The following CCDC171 variants were observed in gnomAD, a reference collection of about 807,000 sequenced individuals.
CCDC171 encodes coiled-coil domain-containing protein 171.
CCDC171 carries 177 observed loss-of-function variants against 168.2 expected under a neutral mutation model. The observed-to-expected ratio is 1.05, with a 90% CI of 0.93 to 1.19. The LOEUF (loss-of-function observed/expected upper bound fraction) is 1.19. CCDC171 is among the 50% of genes most tolerant of loss of function. The pLI is 0.00. For synonymous variants in CCDC171, 687 were observed against 540.8 expected (o/e 1.27, Z -3.75); for missense variants, 1,991 against 1,539.0 (o/e 1.29, Z -4.91).
chr9:15,651,897 A>T (rs2047554943), intron 7 of CCDC171, among the ~76,000 whole-genome samples: 1 of 152,078 alleles, frequency 6.6e-6, no homozygotes, highest in South Asian at 2.1e-4. Flanking sequence ...TGCCAAATCT[A>T]AGGTCATGAA....
intron 23 of CCDC171, among the ~76,000 whole-genome samples, chr9:15,869,610 C>G (rs1453815024): frequency 1.3e-5 from 2 of 150,964 alleles, no homozygotes; most frequent in Middle Eastern, 6.3e-3. Flanking sequence ...TTACAAAAGA[C>G]TCTCCAGTAT....
At chr9:15,894,335 C>A (rs1467600865) in intron 24 of CCDC171, among the ~76,000 whole-genome samples, 1 of 151,946 alleles carries the variant, frequency 6.6e-6, no homozygotes, top group Non-Finnish European at 1.5e-5. Context: ...GGGCTTAATA[C>A]CTAGGTGATG....
chr9:15,797,740 C>A (rs1218581033), intron 21 of CCDC171, among the ~76,000 whole-genome samples: 2 of 151,952 alleles, frequency 1.3e-5, no homozygotes, highest in African/African-American at 4.8e-5. Flanking sequence ...TTTTATATTT[C>A]ATCTAAGAAA....
intron 24 of CCDC171, among the ~76,000 whole-genome samples, chr9:15,884,552 G>A (rs1291118841): frequency 1.3e-5 from 2 of 152,130 alleles, no homozygotes; most frequent in South Asian, 2.1e-4. Context: ...CATAGTATTT[G>A]GAAAAGTTGA....
chr9:16,016,387 G>A (rs142780493), intron 3 of CCDC171, among the ~76,000 whole-genome samples: 246 of 152,094 alleles, frequency 1.6e-3, no homozygotes, highest in African/African-American at 5.0e-3. Context: ...ACATAGCTTC[G>A]CTCAGAGGCA....
At chr9:15,793,161 A>G (rs911678266) in intron 21 of CCDC171, among the ~76,000 whole-genome samples, 1 of 152,016 alleles carries the variant, frequency 6.6e-6, no homozygotes, top group Non-Finnish European at 1.5e-5. Flanking sequence ...AAAAAAAGGC[A>G]GGGGTTGCAA....
chr9:15,633,669 A>G (rs751351235), intron 7 of CCDC171, among the ~76,000 whole-genome samples: 33 of 152,224 alleles, frequency 2.2e-4, no homozygotes, highest in Admixed American at 3.9e-4. Context: ...CCATCCCATT[A>G]CTGGGTATAT....
chr9:15,953,219 T>A lies in CCDC171; in HGVS notation c.3754-18390T>A, dbSNP rs1483338799. 3.9e-5 allele frequency among the ~76,000 whole-genome samples: 6 copies of A among 152,204 alleles called. No homozygotes were observed. The East Asian group carries it at 1.2e-3, about 29-fold the overall frequency. On this transcript the variant is annotated intron_variant, in intron 25 of 25. Coordinates refer to ENST00000380701, the MANE Select transcript of CCDC171 (RefSeq NM_173550.4). ...CTAGGCCTTCCAGTACTATGTTGAA[T>A]GCAAGTGGTGAAAGGAGTCAGGTTT...
intron 25 of CCDC171, among the ~76,000 whole-genome samples, chr9:15,940,162 A>G (rs1827553843): frequency 6.6e-6 from 1 of 151,942 alleles, no homozygotes; most frequent in African/African-American, 2.4e-5. Context: ...GTGTAAAATT[A>G]TCTTTGAAAT....
downstream of CCDC171, among the ~76,000 whole-genome samples, chr9:16,066,229 C>T (rs1833989019): frequency 6.6e-6 from 1 of 152,164 alleles, no homozygotes; most frequent in Admixed American, 6.5e-5. Context: ...ATCTGCCTAA[C>T]AGTGTGAGCA....
At chr9:16,056,686 C>T (rs750119051) in intron 1 of CCDC171, among the ~76,000 whole-genome samples, 15 of 152,092 alleles carry the variant, frequency 9.9e-5, no homozygotes, top group Non-Finnish European at 2.1e-4. Flanking sequence ...CAGGGATTCA[C>T]CATGTTGACC....
chr9:16,071,899 A>T, the CCDC171 span, among the ~76,000 whole-genome samples: 1 of 151,742 alleles, frequency 6.6e-6, no homozygotes, highest in Non-Finnish European at 1.5e-5. Flanking sequence ...ATAACCCCCA[A>T]TTTAACTCCC....
At chr9:15,932,218 A>T (rs111629281) in intron 25 of CCDC171, among the ~76,000 whole-genome samples, 1 of 151,872 alleles carries the variant, frequency 6.6e-6, no homozygotes, top group Admixed American at 6.6e-5. Flanking sequence ...CCATTTTAAC[A>T]ATATTAATTC....
intron 21 of CCDC171, among the ~76,000 whole-genome samples, chr9:15,796,026 A>T (rs2058539146): frequency 6.6e-6 from 1 of 152,260 alleles, no homozygotes; most frequent in Non-Finnish European, 1.5e-5. Context: ...AGAATTCAAT[A>T]TTACAAATCA....
At chr9:15,957,593 C>G (rs937602872) in intron 25 of CCDC171, among the ~76,000 whole-genome samples, 2 of 152,106 alleles carry the variant, frequency 1.3e-5, no homozygotes, top group Admixed American at 6.6e-5. Flanking sequence ...CTTTTCTGCC[C>G]AAGCAGATAG....
intron 25 of CCDC171, among the ~76,000 whole-genome samples, chr9:15,920,683 G>T (rs1250457891): frequency 6.6e-6 from 1 of 151,708 alleles, no homozygotes; most frequent in African/African-American, 2.4e-5. Flanking sequence ...GTTTGGCAGT[G>T]CAGCTGACAG....
At chr9:15,773,716 T>G (rs1184710166) in intron 18 of CCDC171, among the ~76,000 whole-genome samples, 1 of 152,066 alleles carries the variant, frequency 6.6e-6, no homozygotes, top group Non-Finnish European at 1.5e-5. Flanking sequence ...TTTTTTTGTT[T>G]TTTCATTTAT....
chr9:16,029,783 A>G (rs1449899864), intron 6 of CCDC171, among the ~76,000 whole-genome samples: 2 of 152,236 alleles, frequency 1.3e-5, no homozygotes, highest in Admixed American at 6.5e-5. Flanking sequence ...AAAGACTCAG[A>G]TAATAGTCTG....
At chr9:15,750,085 A>G (rs1486174395) in intron 18 of CCDC171, among the ~76,000 whole-genome samples, 1 of 151,378 alleles carries the variant, frequency 6.6e-6, no homozygotes, top group South Asian at 2.1e-4. Flanking sequence ...AGCAAGACTA[A>G]TAAGAAAGAG....
Sources: gnomAD v4.1 joint callset for allele counts (sites outside exome capture counted in the v4.1 genomes callset) on GRCh38, gnomAD v4.1.1 for gene constraint, MANE v1.5 for transcripts, NCBI Gene and HGNC (gene_info 2026-07-23, HGNC 2026-07-21) for gene names.